RAB11FIP5: variants seen among roughly 807,000 people sequenced by gnomAD.
RAB11FIP5 encodes rab11 family-interacting protein 5.
RAB11FIP5 carries 48 observed loss-of-function variants against 85.1 expected under a neutral mutation model. That is an observed-to-expected ratio of 0.56 (90% CI 0.45 to 0.72). The LOEUF is 0.72. RAB11FIP5 is among the 30% of genes least tolerant of loss of function. The pLI is 0.00. For missense variants in RAB11FIP5, 1,491 were observed against 1,687.0 expected, an observed-to-expected ratio of 0.88 and a Z score of 2.04; for synonymous variants, 729 against 727.3, an observed-to-expected ratio of 1.00 and a Z score of -0.04.
At chr2:73,111,291 C>G (rs184190571) in intron 1 of RAB11FIP5, among the ~76,000 whole-genome samples, 1 of 152,280 alleles carries the variant, frequency 6.6e-6, no homozygotes. Flanking sequence ...CATCCCCCTC[C>G]TCCAGCAAGC....
intron 3 of RAB11FIP5, chr2:73,084,539 C>G (rs1684058208): frequency 6.6e-6 from 1 of 152,238 alleles, no homozygotes; most frequent in Admixed American, 6.5e-5. Context: ...CCAGATGTCT[C>G]TGCCCCTTCA....
At position 73,088,600 on chromosome 2, in the gene RAB11FIP5, C is replaced by T; in HGVS notation, c.1018G>A (p.Gly340Arg). 1 of 1,613,632 alleles carries T rather than the reference C, an allele frequency of 6.2e-7. No homozygotes were observed. The highest frequency in any genetic ancestry group is 8.5e-7 in the Non-Finnish European group (1 of 1,180,044). ...GGCTCCTCATTGTAAATGTGGCTCC[C>T]ATTGACACAGAGCGAAGAGCGGGAG... The part of the protein sequence containing the change: ...AASRSSLCVN[G>R]SHIYNEEPQG... The change falls in exon 3 of 6, where the codon GGG becomes AGG. Residue 340 changes from glycine to arginine, a missense_variant. Coordinates refer to ENST00000486777, the MANE Select transcript of RAB11FIP5 (RefSeq NM_001371272.1).
chr2:73,092,395 G>C (rs1403973399), intron 1 of RAB11FIP5, among the ~76,000 whole-genome samples: 1 of 152,214 alleles, frequency 6.6e-6, no homozygotes, highest in Non-Finnish European at 1.5e-5. Flanking sequence ...TGAGATTGCA[G>C]GGAACTAGCA....
chr2:73,080,998 G>A lies in RAB11FIP5; in HGVS notation c.2234C>T (p.Ser745Leu), dbSNP rs1400093497. The A allele has an allele frequency of 8.9e-6, 11 of 1,232,226 alleles. No homozygotes were observed. The highest frequency in any genetic ancestry group is 8.4e-5 in the Admixed American group (2 of 23,696). The allele number at this position is 1,232,226 out of a possible 1,614,324, so 76.3% of individuals were successfully genotyped here. A position where few individuals can be genotyped will look rare whatever the true frequency, so the allele number is the denominator to read the frequency against. Residue 745 changes from serine to leucine, a missense_variant, in exon 4 of 6, where the codon TCG (serine) becomes TTG (leucine). Ser to Leu is a moderately radical substitution (Grantham distance 145). Around this residue, in one of 3 missense-constraint regions of RAB11FIP5, gnomAD observed 1,211 missense variants for 1,338.0 expected, o/e 0.91. Transcript: ENST00000486777. The stretch of plus-strand genomic sequence containing the variant: ...CGAGGAGGGCAGGCCAGCCCCTACC[G>A]ACCCGAGGAGCCCTGGGTCAGCCGC... ...ASAADPGLLG[S>L]VGAGLPSSSA...
At chr2:73,076,277 G>C in intron 4 of RAB11FIP5, 95 bp from the exon 5 acceptor site, 2 of 1,226,344 alleles carry the variant, frequency 1.6e-6, no homozygotes, top group East Asian at 4.7e-5. Flanking sequence ...AGGTCTGCTG[G>C]ACAGAAAGCC....
Position 73,088,200 on chromosome 2 carries a change from C to G in RAB11FIP5, c.1418G>C (p.Ser473Thr). Residue 473 changes from serine to threonine, a missense_variant, in exon 3 of 6, where the codon AGT (serine) becomes ACT (threonine). Ser to Thr is a moderately conservative substitution (Grantham distance 58). Coordinates refer to ENST00000486777, the MANE Select transcript of RAB11FIP5 (RefSeq NM_001371272.1). ...GCTTCGGCGACCCAACTCGCTCCGACTTAGGCCTTGGTGGTGGTGGTGGAA... is the reference window on the plus strand; with the variant it reads ...GCTTCGGCGACCCAACTCGCTCCGAGTTAGGCCTTGGTGGTGGTGGTGGAA... ...GLFHHHHQGL[S>T]RSELGRRSSL... 6.2e-7 allele frequency: 1 copy of G among 1,613,986 alleles called. No homozygotes were observed. The highest frequency in any genetic ancestry group is 1.1e-5 in the South Asian group (1 of 91,088).
chr2:73,108,081 A>G (rs1271779217), intron 1 of RAB11FIP5, among the ~76,000 whole-genome samples: 3 of 152,186 alleles, frequency 2.0e-5, no homozygotes, highest in Non-Finnish European at 4.4e-5. Context: ...GAACACCATG[A>G]CCAGCCAGGC....
chr2:73,112,764 C>A lies in RAB11FIP5; in HGVS notation c.14G>T (p.Arg5Leu), dbSNP rs1397130470. ...AGGCCCCGCCGCCGGCTCCGCGCCC[C>A]GCACCAGGGCCATGGCGGAGAAGCG... is the stretch of plus-strand genomic sequence containing the variant. MALV[R>L]GAEPAAGPSR... is the part of the protein sequence containing the mutation. The change falls in exon 1 of 6, where the codon CGG becomes CTG. Residue 5 changes from arginine (R) to leucine (L), a missense_variant. Around this residue, in one of 3 missense-constraint regions of RAB11FIP5, gnomAD observed 1,211 missense variants for 1,338.0 expected, o/e 0.91. Transcript: ENST00000486777. The A allele has an allele frequency of 6.9e-7, 1 of 1,452,098 alleles. No homozygotes were observed. The highest frequency in any genetic ancestry group is 2.7e-5 in the Admixed American group (1 of 37,014). 90.0% of individuals were successfully genotyped at this position (1,452,098 alleles called of 1,614,324 possible). A position where few individuals can be genotyped will look rare whatever the true frequency, so the allele number is the denominator to read the frequency against.
At chr2:73,101,622 T>C (rs1385021781) in intron 1 of RAB11FIP5, among the ~76,000 whole-genome samples, 2 of 152,134 alleles carry the variant, frequency 1.3e-5, no homozygotes, top group East Asian at 1.9e-4. Context: ...GGTCAGAGCG[T>C]GTCTTGGGCC....
At chr2:73,110,277 A>T (rs1684611247) in intron 1 of RAB11FIP5, among the ~76,000 whole-genome samples, 1 of 152,120 alleles carries the variant, frequency 6.6e-6, no homozygotes. Context: ...CAGCGTTCAG[A>T]CTCAGTCTTG....
Position 73,075,737 on chromosome 2 carries a change from C to G in RAB11FIP5, c.3772-13G>C. On this transcript the variant is annotated splice_polypyrimidine_tract_variant and intron_variant, in intron 5 of 5. Coordinates refer to ENST00000486777, the MANE Select transcript of RAB11FIP5 (RefSeq NM_001371272.1). This position sits in a 1 kb window ranked among gnomAD's most constrained non-coding sequence, Gnocchi z 4.6. ...GCACAGCTGAGTCCTGAGGCCGGACCGAAGACAGTGAGCAGGGCAGCCCTA... is the reference window on the plus strand; with the variant it reads ...GCACAGCTGAGTCCTGAGGCCGGACGGAAGACAGTGAGCAGGGCAGCCCTA... 6.3e-7 allele frequency: 1 copy of G among 1,583,440 alleles called. No homozygotes were observed. Among genetic ancestry groups the G allele is most frequent in the African/African-American group, 1.3e-5 (1 of 74,372 alleles).
chr2:73,087,959 T>A, intron 3 of RAB11FIP5, 91 bp downstream of exon 3: 1 of 1,284,696 alleles, frequency 7.8e-7, no homozygotes, highest in Admixed American at 2.2e-5. Flanking sequence ...CTGAGGTCCA[T>A]ATCTACTCCT....
Position 73,088,755 on chromosome 2 carries a change from G to T in RAB11FIP5, c.869-6C>A. 1 of 1,576,438 alleles carries T rather than the reference G, an allele frequency of 6.3e-7. No individual in the cohort carries two copies. Reference sequence around the variant, plus strand: ...GGACTGTGCAGAGTCCCTGCCTGCAGGGGAAACACACAGAGTTAGCTCGCA... The same window carrying T: ...GGACTGTGCAGAGTCCCTGCCTGCATGGGAAACACACAGAGTTAGCTCGCA... On this transcript the variant is annotated splice_polypyrimidine_tract_variant and splice_region_variant and intron_variant, in intron 2 of 5. Transcript: ENST00000486777.
At chr2:73,109,597 C>T (rs1371789537) in intron 1 of RAB11FIP5, among the ~76,000 whole-genome samples, 1 of 152,208 alleles carries the variant, frequency 6.6e-6, no homozygotes, top group Non-Finnish European at 1.5e-5. Flanking sequence ...CCAGGCAGGG[C>T]TGCCAGGGAG....
chr2:73,093,091 A>G (rs930900009), intron 1 of RAB11FIP5, among the ~76,000 whole-genome samples: 2 of 152,134 alleles, frequency 1.3e-5, no homozygotes, highest in African/African-American at 4.8e-5. Flanking sequence ...AACTATGAAC[A>G]CTGTCGAGGG....
chr2:73,081,095 TTCCTCCTCCTCCTCCTCCTCCTCC>T lies in RAB11FIP5; in HGVS notation c.2113_2136del (p.Gly705_Gly712del), dbSNP rs72344675. ...TCCAGCCACACGCTGCTCCCACCTC[TTCCTCCTCCTCCTCCTCCTCCTCC>T]TCCTCCTCCCCCAGGCTCTCCCTGG... On this transcript the variant is annotated inframe_deletion, in exon 4 of 6. Coordinates refer to ENST00000486777, the MANE Select transcript of RAB11FIP5 (RefSeq NM_001371272.1). This position sits in a 1 kb window ranked among gnomAD's most constrained non-coding sequence, Gnocchi z 4.2. The T allele has an allele frequency of 2.4e-6, 3 of 1,229,804 alleles. No individual in the cohort carries two copies. The highest frequency in any genetic ancestry group is 8.3e-5 in the South Asian group (2 of 24,234). The allele number at this position is 1,229,804 out of a possible 1,614,324, so 76.2% of individuals were successfully genotyped here.
Position 73,088,524 on chromosome 2 carries a change from G to A in RAB11FIP5, c.1094C>T (p.Ser365Phe). 1.2e-6 allele frequency: 2 copies of A among 1,614,030 alleles called. No individual in the cohort carries two copies. The highest frequency in any genetic ancestry group is 1.7e-6 in the Non-Finnish European group (2 of 1,180,056). Residue 365 changes from serine (S) to phenylalanine (F), a missense_variant, in exon 3 of 6, where the codon TCT becomes TTT. By Grantham distance (155) the Ser-to-Phe change is radical (BLOSUM62 -2). Coordinates refer to ENST00000486777, the MANE Select transcript of RAB11FIP5 (RefSeq NM_001371272.1). ...GGAAGAGACAGCTTGCAAGGAGCCA[G>A]AGGATGGAAGCGAGCCCGAGATGGA... is the stretch of plus-strand genomic sequence containing the variant. Reference protein sequence around the residue: ...RSSISGSLPSSGSLQAVSSRF... With the variant: ...RSSISGSLPSFGSLQAVSSRF...
chr2:73,078,656 T>C lies in RAB11FIP5; in HGVS notation c.3581+995A>G, dbSNP rs1683907269. On this transcript the variant is annotated intron_variant, in intron 4 of 5. Transcript: ENST00000486777. This position sits in a 1 kb window ranked among gnomAD's most constrained non-coding sequence, Gnocchi z 4.4. Reference sequence around the variant, plus strand: ...GAGTGGAGACAGTGTCTTTCATCTGTTCAGCATCTGACACATAGTAGGTGC... The same window carrying C: ...GAGTGGAGACAGTGTCTTTCATCTGCTCAGCATCTGACACATAGTAGGTGC... 6.6e-6 allele frequency among the ~76,000 whole-genome samples: 1 copy of C among 152,228 alleles called. No homozygotes were observed. Among genetic ancestry groups the C allele is most frequent in the African/African-American group, 2.4e-5 (1 of 41,460 alleles).
rs1307660851 is a variant in RAB11FIP5, at chr2:73,081,941, A to G, written c.1569-278T>C. 6.6e-6 allele frequency among the ~76,000 whole-genome samples: 1 copy of G among 152,102 alleles called. No homozygotes were observed. The highest frequency in any genetic ancestry group is 1.5e-5 in the Non-Finnish European group (1 of 68,018). On this transcript the variant is annotated intron_variant, in intron 3 of 5. Coordinates refer to ENST00000486777, the MANE Select transcript of RAB11FIP5 (RefSeq NM_001371272.1). The surrounding 1 kb of genome is among the most constrained non-coding windows in gnomAD (Gnocchi z 4.2). Reference sequence around the variant, plus strand: ...ATAGGCAGGATCCGATCCAAACCTAACCAAGTGTTCTTTCCTCTATCCCAT... The same window carrying G: ...ATAGGCAGGATCCGATCCAAACCTAGCCAAGTGTTCTTTCCTCTATCCCAT...
Sources: allele counts gnomAD v4.1 joint callset (sites outside exome capture counted in the v4.1 genomes callset), GRCh38; gene constraint gnomAD v4.1.1; regional missense constraint gnomAD v4.1.1; non-coding constraint Gnocchi (gnomAD v3.1); transcripts MANE v1.5; gene names NCBI Gene and HGNC (gene_info 2026-07-23, HGNC 2026-07-21).